Variants in ARRB1 observed in about 807,000 individuals in gnomAD.
ARRB1 encodes arrestin beta 1, also known as beta-arrestin-1.
In ARRB1, 21 loss-of-function variants were observed where a neutral mutation model predicts 56.8. The ratio of observed to expected loss-of-function variants is 0.37; its 90% CI spans 0.26 to 0.53. The LOEUF (loss-of-function observed/expected upper bound fraction) is 0.53, where lower values mean the gene tolerates loss of function less well. Among genes scored for constraint, ARRB1 ranks in the 20% least tolerant of loss-of-function variants. The pLI, the probability that ARRB1 is intolerant of heterozygous loss-of-function variation, is 0.88. For missense variants in ARRB1, 424 were observed against 553.7 expected (o/e 0.77, Z 2.35); for synonymous variants, 210 against 218.6 (o/e 0.96, Z 0.35).
chr11:75,289,884 G>T, intron 2 of ARRB1, 125 bp downstream of exon 2: 1 of 1,391,992 alleles, frequency 7.2e-7, no homozygotes, highest in Non-Finnish European at 1.0e-6. Flanking sequence ...AAGACGGGGA[G>T]CAGCACCTGC....
Position 75,268,905 on chromosome 11 carries a change from T to G in ARRB1, c.1077A>C (p.Glu359Asp), listed in dbSNP as rs1591887720. The G allele has an allele frequency of 6.2e-7, 1 of 1,608,940 alleles. No individual in the cohort carries two copies. The highest frequency in any genetic ancestry group is 1.1e-5 in the South Asian group (1 of 90,370). The change falls in exon 14 of 16, where the codon GAA becomes GAC. Residue 359 changes from glutamate to aspartate, a missense_variant. Coordinates refer to ENST00000420843, the MANE Select transcript of ARRB1 (RefSeq NM_004041.5). The part of the protein sequence containing the change: ...FTLMHPKPKE[E>D]PPHREVPENE... ...TCTGCTCACCTTCCCGATGCGGGGG[T>G]TCCTCTTTGGGCTTGGGGTGCATTA...
chr11:75,316,802 TCA>T (rs1947273392), intron 1 of ARRB1, among the ~76,000 whole-genome samples: 1 of 152,084 alleles, frequency 6.6e-6, no homozygotes, highest in Non-Finnish European at 1.5e-5. Context: ...GTGCAGTGGC[TCA>T]CGCCTGTAAT....
rs759308918 is a variant in ARRB1, at chr11:75,272,948, C to T, written c.945G>A (p.Leu315=). Residue 315 remains leucine (L), a synonymous_variant, in exon 12 of 16, where the codon CTG becomes CTA. Transcript: ENST00000420843. ...LLREGANREI[L]GIIVSYKVKV... ...TCACTTTGTAGGAAACAATGATCCC[C>T]AGGATCTCACGGTTGGCACCTTCCC... 56 of 1,613,932 alleles carry T rather than the reference C, an allele frequency of 3.5e-5. No individual in the cohort carries two copies. The highest frequency in any genetic ancestry group is 4.5e-5 in the Non-Finnish European group (53 of 1,179,986).
intron 1 of ARRB1, among the ~76,000 whole-genome samples, chr11:75,311,106 G>C (rs115209075): frequency 0.022 from 3,350 of 152,290 alleles, 117 homozygotes; most frequent in African/African-American, 0.074. Context: ...AAAGATCAAG[G>C]CAGGCAGATC....
chr11:75,335,146 C>T, intron 1 of ARRB1: 1 of 256,458 alleles, frequency 3.9e-6, no homozygotes. Flanking sequence ...GCACCACCCG[C>T]CTTCACAAAG....
intron 1 of ARRB1, among the ~76,000 whole-genome samples, chr11:75,314,125 C>T (rs529140908): frequency 4.6e-5 from 7 of 152,322 alleles, no homozygotes; most frequent in South Asian, 4.1e-4. Flanking sequence ...CTTCTCACTT[C>T]GGGGTCTCCC....
At chr11:75,271,761 AG>A in intron 12 of ARRB1, 37 bp from the exon 13 acceptor site, 4 of 1,551,836 alleles carry the variant, frequency 2.6e-6, no homozygotes, top group Non-Finnish European at 3.5e-6. Context: ...AGTGGTCAGG[AG>A]AGAGTTCAGA....
intron 1 of ARRB1, among the ~76,000 whole-genome samples, chr11:75,345,263 G>C (rs1292796462): frequency 6.6e-6 from 1 of 152,206 alleles, no homozygotes; most frequent in Non-Finnish European, 1.5e-5. Context: ...CCAGTCCCAG[G>C]AAGGAGGAGG....
chr11:75,345,987 A>G (rs949935236), intron 1 of ARRB1, among the ~76,000 whole-genome samples: 2 of 152,138 alleles, frequency 1.3e-5, no homozygotes, highest in African/African-American at 4.8e-5. Context: ...CTGCTTACCA[A>G]ATGGGGAGCT....
At position 75,260,929 on chromosome 11, in the gene ARRB1, C is replaced by T. The variant is rs1945773147; in HGVS notation, c.*5234G>A. On this transcript the variant is annotated 3_prime_UTR_variant, in exon 16 of 16. Coordinates refer to ENST00000420843, the MANE Select transcript of ARRB1 (RefSeq NM_004041.5). ...TGTGTAAAGATGAATTTAACCCTAG[C>T]CTCTCTCCTATCACACTGCTTCTCC... The T allele has an allele frequency of 6.6e-6, 1 of 151,932 alleles. No homozygotes were observed. Among genetic ancestry groups the T allele is most frequent in the Admixed American group, 6.5e-5 (1 of 15,274 alleles). The allele number at this position is 151,932 out of a possible 1,614,324, so 9.4% of individuals were successfully genotyped here.
intron 1 of ARRB1, among the ~76,000 whole-genome samples, chr11:75,322,203 G>A (rs1005129183): frequency 2.0e-5 from 3 of 152,226 alleles, no homozygotes; most frequent in African/African-American, 7.2e-5. Flanking sequence ...GGGCTGGGGT[G>A]CTGAACTGGG....
At chr11:75,309,301 A>G (rs1293698454) in intron 1 of ARRB1, among the ~76,000 whole-genome samples, 1 of 152,226 alleles carries the variant, frequency 6.6e-6, no homozygotes, top group African/African-American at 2.4e-5. Context: ...GAGGGCACCT[A>G]TTTCACACCC....
At chr11:75,296,945 C>A (rs780631152) in intron 1 of ARRB1, among the ~76,000 whole-genome samples, 82 of 152,118 alleles carry the variant, frequency 5.4e-4, no homozygotes, top group Admixed American at 1.2e-3. Context: ...CAGGTGTGAG[C>A]CACTGTGCCC....
rs760166027 is a variant in ARRB1, at chr11:75,278,602, C to T, written c.618+7G>A. ...CCCCCACCCCCTGCCAAGTCCGAGC[C>T]TCCTACCTCCTTATCCAGAGAGGCT... On this transcript the variant is annotated splice_region_variant and intron_variant, in intron 8 of 15. Coordinates refer to ENST00000420843, the MANE Select transcript of ARRB1 (RefSeq NM_004041.5). The T allele has an allele frequency of 2.5e-6, 4 of 1,613,912 alleles. No individual in the cohort carries two copies. The highest frequency in any genetic ancestry group is 2.2e-5 in the East Asian group (1 of 44,890).
At chr11:75,329,035 G>C (rs1172306487) in intron 1 of ARRB1, among the ~76,000 whole-genome samples, 4 of 150,248 alleles carry the variant, frequency 2.7e-5, no homozygotes, top group Non-Finnish European at 5.9e-5. Context: ...CCTCTCAAAT[G>C]TAAACACACT....
intron 1 of ARRB1, among the ~76,000 whole-genome samples, chr11:75,329,912 A>G (rs1947493302): frequency 1.3e-5 from 2 of 152,052 alleles, no homozygotes; most frequent in South Asian, 4.1e-4. Flanking sequence ...ATGCAGGAGG[A>G]TCACTTGACC....
intron 1 of ARRB1, among the ~76,000 whole-genome samples, chr11:75,330,689 G>C (rs180957216): frequency 5.2e-4 from 79 of 152,328 alleles, no homozygotes; most frequent in Middle Eastern, 3.4e-3. Flanking sequence ...GGTCAGAACT[G>C]AGAGGACCCT....
At chr11:75,349,237 C>T (rs544654607) in intron 1 of ARRB1, among the ~76,000 whole-genome samples, 3 of 152,174 alleles carry the variant, frequency 2.0e-5, no homozygotes, top group South Asian at 4.1e-4. Flanking sequence ...TTTAGCCGGG[C>T]CTTGGCTCCA....
intron 1 of ARRB1, among the ~76,000 whole-genome samples, chr11:75,296,506 C>T (rs1276662348): frequency 6.6e-6 from 1 of 152,124 alleles, no homozygotes; most frequent in Non-Finnish European, 1.5e-5. Flanking sequence ...TGTGGACCAA[C>T]TTTGACACTA....
Sources: allele counts gnomAD v4.1 joint callset (sites outside exome capture counted in the v4.1 genomes callset), GRCh38; gene constraint gnomAD v4.1.1; transcripts MANE v1.5; gene names NCBI Gene and HGNC (gene_info 2026-07-23, HGNC 2026-07-21).